The following POLG2 variants were observed in gnomAD, a reference collection of about 807,000 sequenced individuals.
POLG2 encodes the protein DNA polymerase subunit gamma-2.
POLG2 carries 50 observed loss-of-function variants against 56.5 expected under a neutral mutation model. The observed-to-expected ratio is 0.88, with a 90% CI of 0.71 to 1.12. POLG2 has a LOEUF of 1.12. Among genes scored for constraint, POLG2 ranks in the 50% most tolerant of loss-of-function variants. POLG2 has a pLI of 0.00. For missense variants in POLG2, 584 were observed against 583.3 expected (o/e 1.00, Z -0.01); for synonymous variants, 226 against 222.6 (o/e 1.02, Z -0.14).
At chr17:64,480,521 T>G (rs7225672) in intron 6 of POLG2, 132 bp from the exon 7 acceptor site, 1 of 523,216 alleles carries the variant, frequency 1.9e-6, no homozygotes, top group Non-Finnish European at 3.6e-6. Context: ...TATGTGATGT[T>G]AATGTTTATA....
At chr17:64,495,377 C>G (rs1326504039) in intron 1 of POLG2, among the ~76,000 whole-genome samples, 1 of 152,024 alleles carries the variant, frequency 6.6e-6, no homozygotes, top group Non-Finnish European at 1.5e-5. Flanking sequence ...CTCAGGAGTT[C>G]AAGACCAGCC....
At chr17:64,496,085 A>G (rs2038146053) in intron 1 of POLG2, among the ~76,000 whole-genome samples, 1 of 152,230 alleles carries the variant, frequency 6.6e-6, no homozygotes, top group African/African-American at 2.4e-5. Context: ...AAATCTAAGA[A>G]AAGTTCAAAA....
In POLG2 at chr17:64,477,820, A is replaced by G. The variant is rs2037790428; in HGVS notation, c.*3T>C. The G allele has an allele frequency of 6.4e-6, 10 of 1,569,244 alleles. No homozygotes were observed. The highest frequency in any genetic ancestry group is 1.4e-5 in the African/African-American group (1 of 72,220). On this transcript the variant is annotated 3_prime_UTR_variant, in exon 8 of 8. Transcript: ENST00000539111. ...AGAATATTTATTATACAAATATAAA[A>G]ATCTATACATTCTTAGCTGATGATA...
In POLG2 at chr17:64,493,756, G is replaced by A. The variant is rs1469963710; in HGVS notation, c.563-735C>T. On this transcript the variant is annotated intron_variant, in intron 1 of 7. Transcript: ENST00000539111. ...CTGCCTTGGCCTCCCAAAGTGCTGG[G>A]ATTACAGGCGTGAGCCACCGCGCCC... Among the ~76,000 whole-genome samples, 4 of 152,198 alleles carry A rather than the reference G, an allele frequency of 2.6e-5. No homozygotes were observed. The East Asian group carries it at 7.7e-4, about 29-fold the overall frequency.
intron 4 of POLG2, among the ~76,000 whole-genome samples, chr17:64,489,468 T>G (rs1555668120): frequency 6.6e-6 from 1 of 151,042 alleles, no homozygotes; most frequent in East Asian, 1.9e-4. Context: ...TAAGGCAAAA[T>G]TTGGTGACAT....
Position 64,490,778 on chromosome 17 carries a change from G to T in POLG2, c.969+18C>A, listed in dbSNP as rs995407988. ...GAATCTGGGTAAAAAATACATAGGA[G>T]CTCCAGGTAAAACATACATGTAATT... is the stretch of plus-strand genomic sequence containing the variant. On this transcript the variant is annotated intron_variant, in intron 4 of 7. Transcript: ENST00000539111. The T allele has an allele frequency of 1.3e-6, 2 of 1,594,700 alleles. No homozygotes were observed. Among genetic ancestry groups the T allele is most frequent in the Non-Finnish European group, 8.6e-7 (1 of 1,162,346 alleles).
intron 4 of POLG2, among the ~76,000 whole-genome samples, chr17:64,489,889 G>A (rs907957862): frequency 7.9e-5 from 12 of 152,030 alleles, no homozygotes; most frequent in African/African-American, 2.7e-4. Context: ...TCATCTTAAA[G>A]TATCTGCCCA....
intron 1 of POLG2, among the ~76,000 whole-genome samples, chr17:64,494,301 C>T (rs1344307810): frequency 6.6e-6 from 1 of 152,170 alleles, no homozygotes; most frequent in Non-Finnish European, 1.5e-5. Context: ...ATGTGTGTAT[C>T]TTATTGCATC....
Position 64,485,882 on chromosome 17 carries a change from C to G in POLG2, c.970-14G>C. The G allele has an allele frequency of 6.2e-7, 1 of 1,613,634 alleles. No homozygotes were observed. The highest frequency in any genetic ancestry group is 8.5e-7 in the Non-Finnish European group (1 of 1,179,604). On this transcript the variant is annotated splice_polypyrimidine_tract_variant and intron_variant, in intron 4 of 7. Coordinates refer to ENST00000539111, the MANE Select transcript of POLG2 (RefSeq NM_007215.4). ...TCCATCTCGGCCCTTCACAGAAAAA[C>G]AGAAGAAAAATAATCATTTCACAGA...
At position 64,478,003 on chromosome 17, in the gene POLG2, G is replaced by A. The variant is rs1555665827; in HGVS notation, c.1293-15C>T. On this transcript the variant is annotated splice_polypyrimidine_tract_variant and intron_variant, in intron 7 of 7. Coordinates refer to ENST00000539111, the MANE Select transcript of POLG2 (RefSeq NM_007215.4). ...TTTCATCATACCTAAGAAAAAAGTA[G>A]TTAAACAGACACATGAGCACAAATG... 1 of 1,612,352 alleles carries A rather than the reference G, an allele frequency of 6.2e-7. No homozygotes were observed. The highest frequency in any genetic ancestry group is 8.5e-7 in the Non-Finnish European group (1 of 1,178,676).
At position 64,495,177 on chromosome 17, in the gene POLG2, C is replaced by CAAAAA. The variant is rs782184151; in HGVS notation, c.562+1225_562+1229dup. On this transcript the variant is annotated intron_variant, in intron 1 of 7. Transcript: ENST00000539111. ...TGGGCGGCAGAGCGAGACTCTGTCT[C>CAAAAA]AAAAAAAAAAAAAAAAGGAACCAGG... Among the ~76,000 whole-genome samples the CAAAAA allele has an allele frequency of 6.2e-4, 74 of 119,312 alleles. 3 individuals are homozygous for CAAAAA. Among genetic ancestry groups the CAAAAA allele is most frequent in the Middle Eastern group, 4.1e-3 (1 of 242 alleles). The allele number at this position is 119,312 out of a possible 152,430, so 78.3% of individuals were successfully genotyped here. A position where few individuals can be genotyped will look rare whatever the true frequency, so the allele number is the denominator to read the frequency against.
At chr17:64,494,234 T>C (rs551433786) in intron 1 of POLG2, among the ~76,000 whole-genome samples, 1 of 152,348 alleles carries the variant, frequency 6.6e-6, no homozygotes, top group African/African-American at 2.4e-5. Context: ...ATTTGTCTGA[T>C]TGTTTCCTTA....
chr17:64,482,041 C>T (rs1312660481), intron 6 of POLG2, among the ~76,000 whole-genome samples: 1 of 150,364 alleles, frequency 6.7e-6, no homozygotes, highest in African/African-American at 2.4e-5. Context: ...CTTTAACACA[C>T]TTCAAAATTA....
At chr17:64,484,140 GTAAA>G (rs2037911763) in intron 5 of POLG2, 2 of 152,212 alleles carry the variant, frequency 1.3e-5, no homozygotes, top group African/African-American at 4.8e-5. Flanking sequence ...ATAAAAATAA[GTAAA>G]TAATATATGT....
chr17:64,478,283 A>G (rs2037800702), intron 7 of POLG2, among the ~76,000 whole-genome samples: 1 of 137,232 alleles, frequency 7.3e-6, no homozygotes, highest in Admixed American at 7.0e-5. Flanking sequence ...AGAACCGCAT[A>G]ATAACCTCAG....
intron 7 of POLG2, among the ~76,000 whole-genome samples, chr17:64,478,882 G>A (rs900452640): frequency 2.0e-5 from 3 of 152,078 alleles, no homozygotes; most frequent in Non-Finnish European, 2.9e-5. Flanking sequence ...GCGACAGTGC[G>A]AGACTCTGTC....
intron 4 of POLG2, among the ~76,000 whole-genome samples, chr17:64,487,874 A>G (rs1186150534): frequency 6.6e-6 from 1 of 152,094 alleles, no homozygotes; most frequent in African/African-American, 2.4e-5. Context: ...ATTGTTTTCT[A>G]ATTTTTTGAA....
intron 1 of POLG2, among the ~76,000 whole-genome samples, chr17:64,493,922 C>T (rs782079705): frequency 1.4e-4 from 21 of 152,194 alleles, no homozygotes; most frequent in Admixed American, 4.6e-4. Flanking sequence ...CAAATACTGC[C>T]GCATACATCT....
At position 64,485,809 on chromosome 17, in the gene POLG2, GT is replaced by G; in HGVS notation, c.1028del (p.Asp343AlafsTer14). 1.9e-6 allele frequency: 3 copies of G among 1,612,646 alleles called. No individual in the cohort carries two copies. The highest frequency in any genetic ancestry group is 2.5e-6 in the Non-Finnish European group (3 of 1,178,616). ...CATAGAGGTAGGCCAGCATGCCTCGGTCTAGGTCCCCATTTACAGAGAGAAC... is the reference window on the plus strand; with the variant it reads ...CATAGAGGTAGGCCAGCATGCCTCGGCTAGGTCCCCATTTACAGAGAGAAC... Reference protein sequence around the residue: ...PCVLSVNGDLDRGMLAYLYDS... With the variant: ...PCVLSVNGDLXRGMLAYLYDS... On this transcript the variant is annotated frameshift_variant, in exon 5 of 8. Transcript: ENST00000539111. LOFTEE classifies it high-confidence loss of function.
Sources: allele counts gnomAD v4.1 joint callset (sites outside exome capture counted in the v4.1 genomes callset), GRCh38; gene constraint gnomAD v4.1.1; transcripts MANE v1.5; gene names NCBI Gene and HGNC (gene_info 2026-07-23, HGNC 2026-07-21).